Variants in TENM1 observed in about 807,000 individuals in gnomAD.
TENM1 encodes the protein teneurin-1.
Under a neutral mutation model 174.8 loss-of-function variants are expected in TENM1, and 35 were observed. The observed-to-expected ratio is 0.20, with a 90% CI of 0.15 to 0.27. The LOEUF (loss-of-function observed/expected upper bound fraction) is 0.27. TENM1 is among the 10% of genes least tolerant of loss of function. The probability of loss-of-function intolerance (pLI) is 1.00; values close to 1 mark genes in which losing one functional copy is unlikely to be tolerated. For synonymous variants in TENM1, 781 were observed against 798.7 expected (o/e 0.98, Z 0.37); for missense variants, 1,633 against 2,130.1 (o/e 0.77, Z 4.59).
the TENM1 span, among the ~76,000 whole-genome samples, chrX:125,039,176 A>G: frequency 8.9e-6 from 1 of 111,950 alleles, no homozygotes; most frequent in South Asian, 3.7e-4. Context: ...TCTTGACTGT[A>G]CACCTTTAGC....
chrX:124,629,636 A>G (rs1321841872), intron 11 of TENM1, among the ~76,000 whole-genome samples: 1 of 112,176 alleles, frequency 8.9e-6, no homozygotes. Context: ...TTATTTCCCT[A>G]TTTTACAGGA....
chrX:124,875,793 T>C (rs2057188193), intron 3 of TENM1, among the ~76,000 whole-genome samples: 2 of 105,132 alleles, frequency 1.9e-5, no homozygotes, highest in South Asian at 9.0e-4. Flanking sequence ...GGAGGATCAC[T>C]TGAGCTTAGG....
the TENM1 span, among the ~76,000 whole-genome samples, chrX:125,012,877 CAG>C: frequency 3.6e-5 from 4 of 111,779 alleles, no homozygotes; most frequent in Non-Finnish European, 5.6e-5. Flanking sequence ...GGTTGAGTAA[CAG>C]GGCATTCTAA....
chrX:124,892,952 G>A (rs2057500172), intron 3 of TENM1, among the ~76,000 whole-genome samples: 1 of 112,105 alleles, frequency 8.9e-6, no homozygotes, highest in South Asian at 3.7e-4. Flanking sequence ...AAGTCAATGG[G>A]AAATAAATAG....
At chrX:125,121,507 G>A in the TENM1 span, among the ~76,000 whole-genome samples, 38 of 112,070 alleles carry the variant, frequency 3.4e-4, no homozygotes, top group African/African-American at 1.1e-3. Context: ...CCATTTTCCA[G>A]TAGAAAATAT....
chrX:124,924,618 T>C (rs554981263), intron 1 of TENM1, among the ~76,000 whole-genome samples: 3 of 111,975 alleles, frequency 2.7e-5, no homozygotes, highest in Admixed American at 9.5e-5. Context: ...CATTTTGTTA[T>C]GCAAACCAAT....
intron 3 of TENM1, among the ~76,000 whole-genome samples, chrX:124,807,463 T>G (rs1019383320): frequency 2.7e-5 from 3 of 112,105 alleles, no homozygotes; most frequent in African/African-American, 9.7e-5. Context: ...AGGAAAAGAA[T>G]GTCAATGAAT....
intron 14 of TENM1, among the ~76,000 whole-genome samples, chrX:124,550,235 C>G (rs774937561): frequency 9.0e-6 from 1 of 111,324 alleles, no homozygotes; most frequent in Middle Eastern, 4.7e-3. Context: ...TAATTGTATG[C>G]CCTTGGCTGA....
the TENM1 span, among the ~76,000 whole-genome samples, chrX:125,120,590 T>C: frequency 9.0e-6 from 1 of 111,224 alleles, no homozygotes; most frequent in Non-Finnish European, 1.9e-5. Flanking sequence ...GCATGTTATG[T>C]GATCCCCTTT....
rs757016198 is a variant in TENM1, at chrX:124,735,952, T to A, written c.776+1005A>T. 1.5e-4 allele frequency among the ~76,000 whole-genome samples: 16 copies of A among 110,241 alleles called. No individual in the cohort carries two copies. The South Asian group carries it at 6.3e-3, about 43-fold the overall frequency. ...CAAAAAAGGGAGGATGGGCGGGGAG[T>A]GAGGGTTAGAAAATTACCTATTGGG... is the stretch of plus-strand genomic sequence containing the variant. On this transcript the variant is annotated intron_variant, in intron 4 of 31. Transcript: ENST00000422452.
chrX:124,500,581 G>A (rs1350184523), intron 19 of TENM1, among the ~76,000 whole-genome samples: 8 of 111,579 alleles, frequency 7.2e-5, no homozygotes, highest in African/African-American at 2.6e-4. Context: ...GCTAAGGATT[G>A]GGTATCTTGT....
At chrX:125,075,462 T>C in the TENM1 span, among the ~76,000 whole-genome samples, 6 of 111,615 alleles carry the variant, frequency 5.4e-5, no homozygotes, top group South Asian at 2.3e-3. Context: ...TGGGCATAAG[T>C]TTTTATGTAG....
intron 3 of TENM1, among the ~76,000 whole-genome samples, chrX:124,884,395 G>A (rs1406960191): frequency 9.1e-6 from 1 of 110,330 alleles, no homozygotes; most frequent in Non-Finnish European, 1.9e-5. Flanking sequence ...GGTGGGGGGT[G>A]AGACCCAATG....
chrX:124,954,704 T>G (rs937193491), intron 1 of TENM1, among the ~76,000 whole-genome samples: 5 of 111,307 alleles, frequency 4.5e-5, no homozygotes, highest in Non-Finnish European at 9.4e-5. Flanking sequence ...ATCACAGGGT[T>G]GCAAATAAGG....
the TENM1 span, among the ~76,000 whole-genome samples, chrX:125,112,710 T>C: frequency 8.9e-6 from 1 of 111,824 alleles, no homozygotes; most frequent in African/African-American, 3.2e-5. Context: ...TCTCTTGATA[T>C]TTAATTTTTA....
chrX:124,868,277 C>T lies in TENM1; in HGVS notation c.535+26019G>A, dbSNP rs961977513. On this transcript the variant is annotated intron_variant, in intron 3 of 31. Transcript: ENST00000422452. ...AAACAGCATGGCACTGGCATAAAAACAGACAGATAGACAGTGGAACAGAAT... is the reference window on the plus strand; with the variant it reads ...AAACAGCATGGCACTGGCATAAAAATAGACAGATAGACAGTGGAACAGAAT... Among the ~76,000 whole-genome samples, 4 of 111,757 alleles carry T rather than the reference C, an allele frequency of 3.6e-5. No individual in the cohort carries two copies. The Admixed American group carries it at 3.8e-4, about 11-fold the overall frequency.
chrX:124,927,938 G>C (rs2058114679), intron 1 of TENM1, among the ~76,000 whole-genome samples: 1 of 111,103 alleles, frequency 9.0e-6, no homozygotes, highest in Non-Finnish European at 1.9e-5. Flanking sequence ...GCTTTCCTGA[G>C]ACTTAATCTC....
chrX:124,590,056 CT>C (rs1424810541), intron 11 of TENM1, among the ~76,000 whole-genome samples: 3 of 112,016 alleles, frequency 2.7e-5, no homozygotes, highest in Non-Finnish European at 5.6e-5. Flanking sequence ...GCGCTATAAA[CT>C]TTCCTCTTAA....
chrX:125,030,628 C>T, the TENM1 span, among the ~76,000 whole-genome samples: 1 of 111,828 alleles, frequency 8.9e-6, no homozygotes, highest in Non-Finnish European at 1.9e-5. Context: ...AGTTTTTCTG[C>T]TTAATGTTAT....
Sources: gnomAD v4.1 joint callset for allele counts (sites outside exome capture counted in the v4.1 genomes callset) on GRCh38, gnomAD v4.1.1 for gene constraint, MANE v1.5 for transcripts, NCBI Gene and HGNC (gene_info 2026-07-23, HGNC 2026-07-21) for gene names.